GDF10: variants seen among roughly 807,000 people sequenced by gnomAD.
GDF10 encodes growth/differentiation factor 10.
Under a neutral mutation model 32.1 loss-of-function variants are expected in GDF10, and 23 were observed. The observed-to-expected ratio is 0.72, with a 90% CI of 0.52 to 1.02. The LOEUF is 1.02. GDF10 is among the 50% of genes least tolerant of loss of function. The pLI is 0.00. For synonymous variants in GDF10, 328 were observed against 303.1 expected (o/e 1.08, Z -0.85); for missense variants, 764 against 673.9 (o/e 1.13, Z -1.48).
chr10:47,302,116 C>T (rs1167765341), intron 1 of GDF10, among the ~76,000 whole-genome samples: 1 of 152,224 alleles, frequency 6.6e-6, no homozygotes, highest in African/African-American at 2.4e-5. Context: ...TTTCTTGCAC[C>T]ATGTGGGGTC....
In GDF10 at chr10:47,312,710, G is replaced by C. The variant is rs201581369; in HGVS notation, c.1355G>C (p.Gly452Ala). 145 of 1,608,668 alleles carry C rather than the reference G, an allele frequency of 9.0e-5. No individual in the cohort carries two copies. The highest frequency in any genetic ancestry group is 9.8e-5 in the Non-Finnish European group (115 of 1,177,114). The change falls in exon 3 of 3, where the codon GGG becomes GCG. Residue 452 changes from glycine to alanine, a missense_variant. Gly to Ala is a moderately conservative substitution (Grantham distance 60). Coordinates refer to ENST00000580279, the MANE Select transcript of GDF10 (RefSeq NM_004962.5). ...CCVPDKMNSL[G>A]VLFLDENRNV... The stretch of plus-strand genomic sequence containing the variant: ...GTTCCCGATAAGATGAACTCCCTTG[G>C]GGTCCTCTTCCTGGATGAGAATCGG...
chr10:47,309,230 G>T (rs1259432330), intron 1 of GDF10, among the ~76,000 whole-genome samples: 6 of 152,238 alleles, frequency 3.9e-5, no homozygotes, highest in African/African-American at 1.4e-4. Context: ...CCCTTAGGAG[G>T]TGCTCAAAAA....
At chr10:47,304,291 C>T (rs1555207037) in intron 1 of GDF10, among the ~76,000 whole-genome samples, 1 of 150,874 alleles carries the variant, frequency 6.6e-6, no homozygotes, top group Non-Finnish European at 1.5e-5. Flanking sequence ...GAATTTGTTC[C>T]CCCATAGGCA....
chr10:47,300,807 G>C lies in GDF10; in HGVS notation c.156G>C (p.Gly52=), dbSNP rs782040161. 1.3e-5 allele frequency: 21 copies of C among 1,570,854 alleles called. No homozygotes were observed. In the East Asian group the frequency reaches 4.4e-4, roughly 33 times the overall value. ...ALPAAADGLQ[G]DRDLQRHPGD... ...CCGCGGCCGCCGACGGCCTGCAGGG[G>C]GACAGGGATCTCCAGCGGCACCCTG... is the stretch of plus-strand genomic sequence containing the variant. Residue 52 remains glycine, a synonymous_variant, in exon 1 of 3, where the codon GGG becomes GGC. Transcript: ENST00000580279.
chr10:47,304,020 G>A (rs1555207022), intron 1 of GDF10, among the ~76,000 whole-genome samples: 1 of 152,144 alleles, frequency 6.6e-6, no homozygotes, highest in African/African-American at 2.4e-5. Flanking sequence ...AGGAGGGCAG[G>A]GGTGCTGCGG....
At position 47,310,214 on chromosome 10, in the gene GDF10, C is replaced by T. The variant is rs1555207554; in HGVS notation, c.738C>T (p.Val246=). ...GCCCCTATGCGCCCTACATCCTAGT[C>T]TATGCCAACGATCTGGCCATCTCGG... ...RPSPYAPYIL[V]YANDLAISEP... is the part of the protein sequence containing the mutation. Residue 246 remains valine (V), a synonymous_variant, in exon 2 of 3, where the codon GTC becomes GTT. Coordinates refer to ENST00000580279, the MANE Select transcript of GDF10 (RefSeq NM_004962.5). 2 of 1,610,942 alleles carry T rather than the reference C, an allele frequency of 1.2e-6. No individual in the cohort carries two copies. Among genetic ancestry groups the T allele is most frequent in the Admixed American group, 1.7e-5 (1 of 59,696 alleles).
Position 47,312,615 on chromosome 10 carries a change from C to T in GDF10, c.1260C>T (p.Ser420=). 6.3e-7 allele frequency: 1 copy of T among 1,587,722 alleles called. No individual in the cohort carries two copies. Among genetic ancestry groups the T allele is most frequent in the Non-Finnish European group, 8.6e-7 (1 of 1,166,980 alleles). The change falls in exon 3 of 3, where the codon TCC becomes TCT. Residue 420 remains serine (S), a synonymous_variant. Coordinates refer to ENST00000580279, the MANE Select transcript of GDF10 (RefSeq NM_004962.5). ...EFPMPKIVRP[S]NHATIQSIVR... is the part of the protein sequence containing the mutation. ...CTGCCTTGCAGATCGTTCGTCCATC[C>T]AACCATGCCACCATCCAGAGCATTG...
Position 47,310,366 on chromosome 10 carries a change from C to T in GDF10, c.890C>T (p.Pro297Leu), listed in dbSNP as rs781954051. Reference sequence around the variant, plus strand: ...CGCCGAGCCGCGCAGGCCACTGGGCCCCTCCAGGACAACGAGCTGCCGGGG... The same window carrying T: ...CGCCGAGCCGCGCAGGCCACTGGGCTCCTCCAGGACAACGAGCTGCCGGGG... ...RVRRAAQATG[P>L]LQDNELPGLD... The change falls in exon 2 of 3, where the codon CCC (proline) becomes CTC (leucine). Residue 297 changes from proline (P) to leucine (L), a missense_variant. Physicochemically the swap from Pro to Leu is moderately conservative, Grantham distance 98. Transcript: ENST00000580279. 3.1e-6 allele frequency: 5 copies of T among 1,606,992 alleles called. No individual in the cohort carries two copies. The Admixed American group carries it at 8.4e-5, about 27-fold the overall frequency.
At position 47,303,030 on chromosome 10, in the gene GDF10, T is replaced by TG. The variant is rs1335451999; in HGVS notation, c.319+2065dup. On this transcript the variant is annotated intron_variant, in intron 1 of 2. Coordinates refer to ENST00000580279, the MANE Select transcript of GDF10 (RefSeq NM_004962.5). ...AGCAGGTTTTGTGCTTTGCATACAG[T>TG]GGGGGCCCAGGCAGGTTGCTTGATC... Among the ~76,000 whole-genome samples the TG allele has an allele frequency of 8.5e-5, 13 of 152,316 alleles. No homozygotes were observed. In the East Asian group the frequency reaches 2.5e-3, roughly 29 times the overall value.
In GDF10 at chr10:47,310,364, G is replaced by A. The variant is rs782053846; in HGVS notation, c.888G>A (p.Gly296=). ...TGCGCCGAGCCGCGCAGGCCACTGG[G>A]CCCCTCCAGGACAACGAGCTGCCGG... is the stretch of plus-strand genomic sequence containing the variant. ...PRVRRAAQAT[G]PLQDNELPGL... is the part of the protein sequence containing the mutation. Residue 296 remains glycine (G), a synonymous_variant, in exon 2 of 3, where the codon GGG becomes GGA. Transcript: ENST00000580279. The A allele has an allele frequency of 6.2e-7, 1 of 1,606,874 alleles. No individual in the cohort carries two copies. Among genetic ancestry groups the A allele is most frequent in the South Asian group, 1.1e-5 (1 of 90,428 alleles).
intron 1 of GDF10, among the ~76,000 whole-genome samples, chr10:47,308,148 C>T (rs1565747539): frequency 1.3e-5 from 2 of 152,276 alleles, no homozygotes; most frequent in East Asian, 1.9e-4. Flanking sequence ...GATACACCAC[C>T]GCTACCACCG....
chr10:47,312,301 T>C (rs1384861190), intron 2 of GDF10, among the ~76,000 whole-genome samples: 7 of 152,152 alleles, frequency 4.6e-5, no homozygotes, highest in African/African-American at 1.7e-4. Flanking sequence ...TGTGTGACAC[T>C]CAGGCGCCCC....
At chr10:47,307,656 C>T (rs2061027645) in intron 1 of GDF10, among the ~76,000 whole-genome samples, 1 of 152,218 alleles carries the variant, frequency 6.6e-6, no homozygotes, top group Non-Finnish European at 1.5e-5. Context: ...GGCATTCAAG[C>T]CACATGGAGG....
chr10:47,305,508 G>A (rs933744025), intron 1 of GDF10, among the ~76,000 whole-genome samples: 6 of 152,170 alleles, frequency 3.9e-5, no homozygotes, highest in African/African-American at 4.8e-5. Context: ...CTGCAGCACC[G>A]TCTGGCCCAC....
intron 1 of GDF10, among the ~76,000 whole-genome samples, chr10:47,304,444 G>A (rs2061015886): frequency 6.6e-6 from 1 of 152,114 alleles, no homozygotes; most frequent in Admixed American, 6.5e-5. Flanking sequence ...AGGGATAAAG[G>A]AGAGAGAGTG....
chr10:47,309,883 A>G lies in GDF10; in HGVS notation c.407A>G (p.Tyr136Cys), dbSNP rs1555207416. The G allele has an allele frequency of 1.2e-6, 2 of 1,612,992 alleles. No homozygotes were observed. The highest frequency in any genetic ancestry group is 4.5e-5 in the East Asian group (2 of 44,876). ...ATCCTTACGGCCACTTTCCACTTCT[A>G]CTCAGAGCCGCCTCGGTGGCCTCGA... ...EMILTATFHFYSEPPRWPRAL... is the reference protein window; with the variant it reads ...EMILTATFHFCSEPPRWPRAL... The change falls in exon 2 of 3, where the codon TAC becomes TGC. Residue 136 changes from tyrosine to cysteine, a missense_variant. Physicochemically the swap from Tyr to Cys is radical, Grantham distance 194. Coordinates refer to ENST00000580279, the MANE Select transcript of GDF10 (RefSeq NM_004962.5).
chr10:47,310,780 G>A lies in GDF10; in HGVS notation c.1245+59G>A, dbSNP rs781920746. 3 of 1,174,848 alleles carry A rather than the reference G, an allele frequency of 2.6e-6. No individual in the cohort carries two copies. The Middle Eastern group carries it at 5.8e-4, about 226-fold the overall frequency. The allele number at this position is 1,174,848 out of a possible 1,614,324, so 72.8% of individuals were successfully genotyped here. A position where few individuals can be genotyped will look rare whatever the true frequency, so the allele number is the denominator to read the frequency against. ...GGCTCAGCTCTGCCGCTACCGTCAA[G>A]TTCCTCAGCCTGCAGGACTTCTGTT... On this transcript the variant is annotated intron_variant, in intron 2 of 2. Coordinates refer to ENST00000580279, the MANE Select transcript of GDF10 (RefSeq NM_004962.5).
At chr10:47,302,422 A>G (rs2061008073) in intron 1 of GDF10, among the ~76,000 whole-genome samples, 1 of 152,180 alleles carries the variant, frequency 6.6e-6, no homozygotes, top group African/African-American at 2.4e-5. Flanking sequence ...TTGCTTCTCT[A>G]TTAACTCAAT....
rs908568828 is a variant in GDF10 at position 47,312,713 on chromosome 10, T to C, written c.1358T>C (p.Val453Ala). 6 of 1,607,342 alleles carry C rather than the reference T, an allele frequency of 3.7e-6. No individual in the cohort carries two copies. The highest frequency in any genetic ancestry group is 5.1e-6 in the Non-Finnish European group (6 of 1,176,674). The part of the protein sequence containing the change: ...CVPDKMNSLG[V>A]LFLDENRNVV... ...CCCGATAAGATGAACTCCCTTGGGG[T>C]CCTCTTCCTGGATGAGAATCGGAAT... Residue 453 changes from valine to alanine, a missense_variant, in exon 3 of 3, where the codon GTC becomes GCC. Coordinates refer to ENST00000580279, the MANE Select transcript of GDF10 (RefSeq NM_004962.5).
Sources: gnomAD v4.1 joint callset for allele counts (sites outside exome capture counted in the v4.1 genomes callset) on GRCh38, gnomAD v4.1.1 for gene constraint, MANE v1.5 for transcripts, NCBI Gene and HGNC (gene_info 2026-07-23, HGNC 2026-07-21) for gene names.